Variants in RAB3GAP1 observed in about 807,000 individuals in gnomAD.
The protein encoded by RAB3GAP1 is RAB3 GTPase activating protein catalytic subunit 1, also known as rab3 GTPase-activating protein catalytic subunit.
RAB3GAP1 carries 86 observed loss-of-function variants against 130.7 expected under a neutral mutation model. The observed-to-expected ratio is 0.66, with a 90% CI of 0.55 to 0.79. RAB3GAP1 has a LOEUF of 0.79. Ranked by LOEUF, RAB3GAP1 falls within the 30% of genes least tolerant of loss-of-function variation. The pLI is 0.00. For synonymous variants in RAB3GAP1, 367 were observed against 401.7 expected (o/e 0.91, Z 1.03); for missense variants, 1,029 against 1,169.4 (o/e 0.88, Z 1.75).
chr2:135,088,584 G>A lies in RAB3GAP1; in HGVS notation c.151-2414G>A, dbSNP rs1190832760. On this transcript the variant is annotated intron_variant, in intron 3 of 23. Coordinates refer to ENST00000264158, the MANE Select transcript of RAB3GAP1 (RefSeq NM_012233.3). ...CATGCCTGTAATCCCAGCAACATGG[G>A]AGACTGATGCAGGAGAATCGCTTAA... Among the ~76,000 whole-genome samples the A allele has an allele frequency of 2.0e-5, 3 of 150,802 alleles. No homozygotes were observed. In the East Asian group the frequency reaches 5.9e-4, roughly 30 times the overall value.
At chr2:135,069,324 A>G (rs1313003364) in intron 3 of RAB3GAP1, among the ~76,000 whole-genome samples, 1 of 152,196 alleles carries the variant, frequency 6.6e-6, no homozygotes, top group Non-Finnish European at 1.5e-5. Flanking sequence ...CAGAAGATGG[A>G]AAGTCTTCTG....
intron 3 of RAB3GAP1, among the ~76,000 whole-genome samples, chr2:135,077,332 T>C (rs1689660062): frequency 6.6e-6 from 1 of 152,088 alleles, no homozygotes; most frequent in Non-Finnish European, 1.5e-5. Context: ...GTTGCTTCTA[T>C]AGACTATTGC....
At chr2:135,106,008 C>A (rs1483096034) in intron 5 of RAB3GAP1, among the ~76,000 whole-genome samples, 1 of 151,948 alleles carries the variant, frequency 6.6e-6, no homozygotes, top group African/African-American at 2.4e-5. Context: ...GCTGCCCCGT[C>A]TGAGAAGTGA....
At chr2:135,159,343 G>A (rs993675695) in intron 19 of RAB3GAP1, among the ~76,000 whole-genome samples, 5 of 152,202 alleles carry the variant, frequency 3.3e-5, no homozygotes, top group Admixed American at 1.3e-4. Context: ...TCTCAGCCAG[G>A]TGGTGAAGGT....
At chr2:135,083,172 T>C (rs1200981053) in intron 3 of RAB3GAP1, among the ~76,000 whole-genome samples, 1 of 152,198 alleles carries the variant, frequency 6.6e-6, no homozygotes, top group Non-Finnish European at 1.5e-5. Context: ...TTTTCATTGC[T>C]GAATAATATT....
chr2:135,058,000 C>G lies in RAB3GAP1; in HGVS notation c.75-11C>G, dbSNP rs746426580. The G allele has an allele frequency of 1.3e-6, 2 of 1,594,442 alleles. No individual in the cohort carries two copies. Among genetic ancestry groups the G allele is most frequent in the Non-Finnish European group, 1.7e-6 (2 of 1,162,572 alleles). On this transcript the variant is annotated splice_polypyrimidine_tract_variant and intron_variant, in intron 2 of 23. Coordinates refer to ENST00000264158, the MANE Select transcript of RAB3GAP1 (RefSeq NM_012233.3). Reference sequence around the variant, plus strand: ...GCTGTTGTATTTAGAAGCTTTCTCCCTACTTCCTAGGTTTATTTCCAAAGT... The same window carrying G: ...GCTGTTGTATTTAGAAGCTTTCTCCGTACTTCCTAGGTTTATTTCCAAAGT...
At chr2:135,147,252 A>G (rs1473606803) in intron 17 of RAB3GAP1, among the ~76,000 whole-genome samples, 2 of 151,882 alleles carry the variant, frequency 1.3e-5, no homozygotes, top group East Asian at 1.9e-4. Context: ...AGGCTGAGGC[A>G]TGAGAATTGC....
chr2:135,070,941 T>C (rs1689455863), intron 3 of RAB3GAP1, among the ~76,000 whole-genome samples: 1 of 152,216 alleles, frequency 6.6e-6, no homozygotes, highest in Non-Finnish European at 1.5e-5. Context: ...AAAGGTTAAA[T>C]AAAAGCTAAC....
At chr2:135,069,677 ACTT>A (rs1195131683) in intron 3 of RAB3GAP1, among the ~76,000 whole-genome samples, 4 of 151,924 alleles carry the variant, frequency 2.6e-5, no homozygotes, top group Non-Finnish European at 5.9e-5. Flanking sequence ...CATCTCAACT[ACTT>A]CTTTTTGTTC....
At chr2:135,093,811 T>G in intron 5 of RAB3GAP1, 118 bp downstream of exon 5, 1 of 859,968 alleles carries the variant, frequency 1.2e-6, no homozygotes, top group Non-Finnish European at 2.0e-6. Flanking sequence ...TAATTGCAGC[T>G]GATTTATTGC....
intron 8 of RAB3GAP1, 138 bp downstream of exon 8, chr2:135,121,056 A>G (rs1320207791): frequency 2.8e-6 from 2 of 717,484 alleles, no homozygotes; most frequent in African/African-American, 1.8e-5. Flanking sequence ...ATGTAATATT[A>G]TTGCTTTCAT....
chr2:135,071,033 T>G (rs1038211317), intron 3 of RAB3GAP1, among the ~76,000 whole-genome samples: 2 of 152,236 alleles, frequency 1.3e-5, no homozygotes, highest in African/African-American at 2.4e-5. Flanking sequence ...TACAAAGGCT[T>G]ACTTGAACAT....
At chr2:135,146,698 T>C (rs1181283405) in intron 17 of RAB3GAP1, among the ~76,000 whole-genome samples, 2 of 152,190 alleles carry the variant, frequency 1.3e-5, no homozygotes, top group Non-Finnish European at 2.9e-5. Context: ...AAAACAGTAA[T>C]AGATTAATTT....
At chr2:135,067,210 GTA>G (rs1689347088) in intron 3 of RAB3GAP1, among the ~76,000 whole-genome samples, 1 of 152,134 alleles carries the variant, frequency 6.6e-6, no homozygotes, top group African/African-American at 2.4e-5. Context: ...AAGTGGAGGA[GTA>G]TATGTTTTAT....
At chr2:135,165,045 C>T in intron 23 of RAB3GAP1, 1 of 424,470 alleles carries the variant, frequency 2.4e-6, no homozygotes, top group East Asian at 7.1e-5. Context: ...GAATGGAGTT[C>T]AGTTTTACCA....
chr2:135,062,844 G>C (rs2104829039), intron 3 of RAB3GAP1, among the ~76,000 whole-genome samples: 1 of 152,314 alleles, frequency 6.6e-6, no homozygotes, highest in Non-Finnish European at 1.5e-5. Context: ...CTAGTACATA[G>C]ATACATGGTA....
intron 13 of RAB3GAP1, 137 bp from the exon 14 acceptor site, chr2:135,132,758 G>C: frequency 1.6e-6 from 1 of 643,456 alleles, no homozygotes; most frequent in Non-Finnish European, 2.8e-6. Context: ...GAACAAACTG[G>C]CCAATACAAC....
intron 19 of RAB3GAP1, among the ~76,000 whole-genome samples, chr2:135,155,368 G>C (rs1372461240): frequency 2.6e-5 from 4 of 152,128 alleles, no homozygotes. Context: ...GAATTGAAGA[G>C]AAAGTAGTAT....
At chr2:135,151,349 A>T (rs1692169231) in intron 18 of RAB3GAP1, among the ~76,000 whole-genome samples, 1 of 151,940 alleles carries the variant, frequency 6.6e-6, no homozygotes, top group Admixed American at 6.6e-5. Flanking sequence ...CATATCCCCT[A>T]CTCAGTCCTG....
Sources: gnomAD v4.1 joint callset for allele counts (sites outside exome capture counted in the v4.1 genomes callset) on GRCh38, gnomAD v4.1.1 for gene constraint, MANE v1.5 for transcripts, NCBI Gene and HGNC (gene_info 2026-07-23, HGNC 2026-07-21) for gene names.